The following SLC44A5 variants were observed in gnomAD, a reference collection of about 807,000 sequenced individuals.
SLC44A5 encodes the protein choline transporter-like protein 5.
In SLC44A5, 57 loss-of-function variants were observed where a neutral mutation model predicts 101.8. The observed-to-expected ratio is 0.56, with a 90% CI of 0.45 to 0.70. The LOEUF is 0.70. Among genes scored for constraint, SLC44A5 ranks in the 30% least tolerant of loss-of-function variants. The pLI, the probability that SLC44A5 is intolerant of heterozygous loss-of-function variation, is 0.00. For synonymous variants in SLC44A5, 281 were observed against 290.9 expected, an observed-to-expected ratio of 0.97 and a Z score of 0.35; for missense variants, 737 against 853.1, an observed-to-expected ratio of 0.86 and a Z score of 1.70.
intron 1 of SLC44A5, among the ~76,000 whole-genome samples, chr1:75,599,664 A>C (rs1395057549): frequency 6.6e-6 from 1 of 152,226 alleles, no homozygotes; most frequent in African/African-American, 2.4e-5. Context: ...ATTTGTGCTT[A>C]ATCTTGGAAA....
chr1:75,231,598 C>CA (rs1243774461), intron 12 of SLC44A5, among the ~76,000 whole-genome samples: 1 of 152,078 alleles, frequency 6.6e-6, no homozygotes, highest in East Asian at 1.9e-4. Flanking sequence ...TCAGCAACAA[C>CA]AAAAATAGAC....
Position 75,423,809 on chromosome 1 carries a change from T to G in SLC44A5, c.14-27188A>C, listed in dbSNP as rs78320895. ...CACACAGATACACTTGCATACCCAT[T>G]AAGTTGAAATTTTGCCAAGAACCTA... On this transcript the variant is annotated intron_variant, in intron 2 of 23. Coordinates refer to ENST00000370859, the MANE Select transcript of SLC44A5 (RefSeq NM_001130058.2). 4.5e-3 allele frequency among the ~76,000 whole-genome samples: 680 copies of G among 152,350 alleles called. 6 individuals carry two copies. The highest frequency in any genetic ancestry group is 0.016 in the African/African-American group (660 of 41,584).
intron 4 of SLC44A5, among the ~76,000 whole-genome samples, chr1:75,327,543 C>G (rs1415822075): frequency 1.3e-5 from 2 of 152,068 alleles, no homozygotes; most frequent in African/African-American, 4.8e-5. Context: ...AAGCTCATAC[C>G]AAGTAAAGAA....
At chr1:75,241,353 AG>A (rs1648612278) in intron 9 of SLC44A5, among the ~76,000 whole-genome samples, 1 of 151,912 alleles carries the variant, frequency 6.6e-6, no homozygotes, top group South Asian at 2.1e-4. Flanking sequence ...CCTCCCAAGT[AG>A]CTGGGATTAC....
At chr1:75,489,241 A>T (rs188475537) in intron 2 of SLC44A5, among the ~76,000 whole-genome samples, 306 of 110,998 alleles carry the variant, frequency 2.8e-3, no homozygotes, top group African/African-American at 7.0e-3. Context: ...TAATTATTTT[A>T]AAAAAAACAT....
At chr1:75,384,979 G>C (rs1661200399) in intron 3 of SLC44A5, among the ~76,000 whole-genome samples, 1 of 151,298 alleles carries the variant, frequency 6.6e-6, no homozygotes, top group African/African-American at 2.4e-5. Context: ...ATGAAATGAA[G>C]GCAGAAATAA....
chr1:75,254,991 G>T lies in SLC44A5; in HGVS notation c.261-3697C>A, dbSNP rs1570481481. Among the ~76,000 whole-genome samples, 3 of 152,158 alleles carry T rather than the reference G, an allele frequency of 2.0e-5. No homozygotes were observed. The South Asian group carries it at 6.2e-4, about 32-fold the overall frequency. The stretch of plus-strand genomic sequence containing the variant: ...TGAATGCCATGCTGGGCCACGTGGA[G>T]CCCATGACCTGTGGGTTGCACAAGC... On this transcript the variant is annotated intron_variant, in intron 6 of 23. Transcript: ENST00000370859.
intron 2 of SLC44A5, among the ~76,000 whole-genome samples, chr1:75,473,698 A>G (rs919655770): frequency 6.6e-6 from 1 of 152,164 alleles, no homozygotes; most frequent in Non-Finnish European, 1.5e-5. Context: ...TATAATCAGC[A>G]TCTTATTTTA....
intron 2 of SLC44A5, among the ~76,000 whole-genome samples, chr1:75,458,593 T>C (rs1666321691): frequency 6.6e-6 from 1 of 151,940 alleles, no homozygotes; most frequent in African/African-American, 2.4e-5. Context: ...GGAGATAAAC[T>C]TGAGAAAAAA....
chr1:75,713,039 T>A, the SLC44A5 span, among the ~76,000 whole-genome samples: 1 of 152,208 alleles, frequency 6.6e-6, no homozygotes, highest in Non-Finnish European at 1.5e-5. Context: ...TAACTGCTCC[T>A]GTTCCGCCTA....
intron 1 of SLC44A5, among the ~76,000 whole-genome samples, chr1:75,546,065 T>C (rs1363470705): frequency 6.6e-6 from 1 of 152,000 alleles, no homozygotes. Flanking sequence ...CAAGTGATCC[T>C]CCCACCTCAG....
intron 1 of SLC44A5, among the ~76,000 whole-genome samples, chr1:75,586,780 AT>A (rs890047592): frequency 1.4e-4 from 22 of 152,210 alleles, no homozygotes; most frequent in Non-Finnish European, 2.8e-4. Context: ...CAGAAATCAG[AT>A]CATAGTTATT....
At chr1:75,334,653 T>C (rs1391010396) in intron 4 of SLC44A5, among the ~76,000 whole-genome samples, 1 of 152,056 alleles carries the variant, frequency 6.6e-6, no homozygotes, top group Admixed American at 6.5e-5. Flanking sequence ...AGCTCATGAG[T>C]TTAGGCTCTA....
the SLC44A5 span, among the ~76,000 whole-genome samples, chr1:75,679,299 A>G: frequency 6.6e-6 from 1 of 152,180 alleles, no homozygotes; most frequent in African/African-American, 2.4e-5. Context: ...CAACTCCAAG[A>G]CATGCAATTG....
At chr1:75,441,845 G>C (rs1394584240) in intron 2 of SLC44A5, among the ~76,000 whole-genome samples, 1 of 152,022 alleles carries the variant, frequency 6.6e-6, no homozygotes, top group Non-Finnish European at 1.5e-5. Flanking sequence ...AGGAGATTTT[G>C]ACATGCTTTA....
At chr1:75,227,469 T>C (rs1167951559) in intron 13 of SLC44A5, among the ~76,000 whole-genome samples, 1 of 152,218 alleles carries the variant, frequency 6.6e-6, no homozygotes, top group East Asian at 1.9e-4. Context: ...TGCCTATAAA[T>C]GTCTACAACC....
Position 75,375,664 on chromosome 1 carries a change from T to C in SLC44A5, c.52+20919A>G, listed in dbSNP as rs994713036. ...ACAGTGGACTTCTCAGCAGAAACCT[T>C]ACAAGCCAGAATAGACCTGGAGGCC... is the stretch of plus-strand genomic sequence containing the variant. On this transcript the variant is annotated intron_variant, in intron 3 of 23. Coordinates refer to ENST00000370859, the MANE Select transcript of SLC44A5 (RefSeq NM_001130058.2). 5.9e-5 allele frequency among the ~76,000 whole-genome samples: 9 copies of C among 152,308 alleles called. No homozygotes were observed. In the East Asian group the frequency reaches 1.5e-3, roughly 26 times the overall value.
chr1:75,405,867 T>A (rs1662817544), intron 2 of SLC44A5, among the ~76,000 whole-genome samples: 2 of 131,504 alleles, frequency 1.5e-5, no homozygotes, highest in South Asian at 2.5e-4. Flanking sequence ...AGAGCAGAAC[T>A]GAAGGCGATA....
the SLC44A5 span, among the ~76,000 whole-genome samples, chr1:75,623,461 A>T: frequency 1.6e-3 from 251 of 152,232 alleles, 2 homozygotes; most frequent in Non-Finnish European, 1.4e-3. Flanking sequence ...CATCCCACCA[A>T]TTTTTTAAAA....
Sources: allele counts gnomAD v4.1 joint callset (sites outside exome capture counted in the v4.1 genomes callset), GRCh38; gene constraint gnomAD v4.1.1; transcripts MANE v1.5; gene names NCBI Gene and HGNC (gene_info 2026-07-23, HGNC 2026-07-21).